The following ECE1 variants were observed in gnomAD, a reference collection of about 807,000 sequenced individuals.
ECE1 encodes the protein endothelin converting enzyme 1.
Under a neutral mutation model 98.6 loss-of-function variants are expected in ECE1, and 35 were observed. That is an observed-to-expected ratio of 0.35 (90% CI 0.27 to 0.47). The LOEUF is 0.47. Ranked by LOEUF, ECE1 falls within the 20% of genes least tolerant of loss-of-function variation. The pLI is 1.00. For missense variants in ECE1, 814 were observed against 1,025.3 expected (o/e 0.79, Z 2.81); for synonymous variants, 394 against 407.1 (o/e 0.97, Z 0.39).
chr1:21,319,374 A>T lies in ECE1; in HGVS notation c.3+26002T>A, dbSNP rs1184844220. Among the ~76,000 whole-genome samples the T allele has an allele frequency of 6.6e-6, 1 of 152,010 alleles. No individual in the cohort carries two copies. Among genetic ancestry groups the T allele is most frequent in the Non-Finnish European group, 1.5e-5 (1 of 67,998 alleles). On this transcript the variant is annotated intron_variant, in intron 1 of 18. Coordinates refer to the ECE1 transcript ENST00000415912. The surrounding 1 kb of genome is among the most constrained non-coding windows in gnomAD (Gnocchi z 4.4). ...TAATAATAATCATAATCATAATCATAATCATAATCATAAAGTGGACTACGC... is the reference window on the plus strand; with the variant it reads ...TAATAATAATCATAATCATAATCATTATCATAATCATAAAGTGGACTACGC...
intron 2 of ECE1, among the ~76,000 whole-genome samples, chr1:21,283,767 G>A (rs1431351514): frequency 2.6e-5 from 4 of 152,154 alleles, no homozygotes; most frequent in Non-Finnish European, 5.9e-5. Context: ...CTAAACAGAT[G>A]GTGTTCACTG....
At chr1:21,324,439 C>G (rs1040765655) in intron 1 of ECE1, among the ~76,000 whole-genome samples, 3 of 152,224 alleles carry the variant, frequency 2.0e-5, no homozygotes, top group Admixed American at 6.5e-5. Context: ...CAGGGAGACT[C>G]CAACGGCTGC....
At chr1:21,224,073 A>G (rs2098170768) in intron 17 of ECE1, among the ~76,000 whole-genome samples, 2 of 151,934 alleles carry the variant, frequency 1.3e-5, no homozygotes, top group Admixed American at 1.3e-4. Context: ...CCTTCTTCCC[A>G]TCCTTGGACG....
chr1:21,282,022 C>G (rs1205742695), intron 2 of ECE1, among the ~76,000 whole-genome samples: 2 of 152,132 alleles, frequency 1.3e-5, no homozygotes, highest in Non-Finnish European at 1.5e-5. Flanking sequence ...CATGGTGGCT[C>G]ATGCCTATAA....
At chr1:21,288,455 C>G (rs566058589) in intron 2 of ECE1, among the ~76,000 whole-genome samples, 1 of 152,232 alleles carries the variant, frequency 6.6e-6, no homozygotes, top group Admixed American at 6.5e-5. Context: ...AGAACTCAAA[C>G]CCGGGTCGCT....
At chr1:21,328,989 G>A (rs921491529) in intron 1 of ECE1, among the ~76,000 whole-genome samples, 2 of 152,030 alleles carry the variant, frequency 1.3e-5, no homozygotes, top group Non-Finnish European at 2.9e-5. Flanking sequence ...TGACTGCTGC[G>A]AATCTCTCTC....
At position 21,225,016 on chromosome 1, in the gene ECE1, C is replaced by CT. The variant is rs59967934; in HGVS notation, c.2040+233dup. On this transcript the variant is annotated intron_variant, in intron 17 of 18. Coordinates refer to ENST00000374893, the MANE Select transcript of ECE1 (RefSeq NM_001397.3). The surrounding 1 kb of genome is among the most constrained non-coding windows in gnomAD (Gnocchi z 5.3). ...ATGAAGCCCGAGCCCCTTCCTGTGT[C>CT]TTTGTCAGGCCAGACTCAGAGCACA... 1.1e-3 allele frequency among the ~76,000 whole-genome samples: 171 copies of CT among 152,362 alleles called. No individual in the cohort carries two copies. The highest frequency in any genetic ancestry group is 4.1e-3 in the African/African-American group (169 of 41,596).
intron 17 of ECE1, 96 bp from the exon 18 acceptor site, chr1:21,221,938 G>A (rs2098167982): frequency 1.8e-6 from 2 of 1,082,704 alleles, no homozygotes; most frequent in African/African-American, 1.5e-5. Context: ...CCGTGTTGGG[G>A]CAAGGACTAG....
rs546317048 is a variant in ECE1, at chr1:21,220,223, C to T, written c.2137-92G>A. The T allele has an allele frequency of 8.3e-5, 116 of 1,401,978 alleles. No homozygotes were observed. In the African/African-American group the frequency reaches 1.3e-3, roughly 16 times the overall value. The allele number at this position is 1,401,978 out of a possible 1,614,324, so 86.8% of individuals were successfully genotyped here. On this transcript the variant is annotated intron_variant, in intron 18 of 18. Coordinates refer to ENST00000374893, the MANE Select transcript of ECE1 (RefSeq NM_001397.3). The surrounding 1 kb of genome is among the most constrained non-coding windows in gnomAD (Gnocchi z 5.0). ...TTATAACAGCAGGGGAGGCCAGGTG[C>T]GGTGGCTCACACCTGTAATCCCAGC...
chr1:21,270,798 A>T (rs1222815011), intron 4 of ECE1, among the ~76,000 whole-genome samples: 7 of 152,298 alleles, frequency 4.6e-5, no homozygotes, highest in African/African-American at 1.4e-4. Context: ...AAAACAAGCC[A>T]GGGAGGTGAT....
At chr1:21,275,033 G>A (rs1328743934) in intron 3 of ECE1, among the ~76,000 whole-genome samples, 2 of 152,146 alleles carry the variant, frequency 1.3e-5, no homozygotes, top group Non-Finnish European at 2.9e-5. Context: ...TGAGTATTAC[G>A]ATATAACTCC....
Position 21,221,898 on chromosome 1 carries a change from G to C in ECE1, c.2041-56C>G. 2.7e-6 allele frequency: 4 copies of C among 1,498,632 alleles called. No homozygotes were observed. The Admixed American group carries it at 6.7e-5, about 25-fold the overall frequency. 92.8% of individuals were successfully genotyped at this position (1,498,632 alleles called of 1,614,324 possible). A position where few individuals can be genotyped will look rare whatever the true frequency, so the allele number is the denominator to read the frequency against. ...TTCCCATGGCAGGTGGTGAAGGAGG[G>C]GACTGGTATGGAGGTCTCAGGGAGC... is the stretch of plus-strand genomic sequence containing the variant. On this transcript the variant is annotated intron_variant, in intron 17 of 18. Coordinates refer to ENST00000374893, the MANE Select transcript of ECE1 (RefSeq NM_001397.3).
At chr1:21,304,268 A>T (rs1638548033) in intron 1 of ECE1, among the ~76,000 whole-genome samples, 1 of 142,480 alleles carries the variant, frequency 7.0e-6, no homozygotes, top group Non-Finnish European at 1.5e-5. Context: ...GTGAGCCGAG[A>T]TCGCGCCACG....
rs1638904832 is a variant in ECE1, at chr1:21,319,087, G to A, written c.3+26289C>T. Among the ~76,000 whole-genome samples, 2 of 152,188 alleles carry A rather than the reference G, an allele frequency of 1.3e-5. No homozygotes were observed. Among genetic ancestry groups the A allele is most frequent in the African/African-American group, 4.8e-5 (2 of 41,452 alleles). Reference sequence around the variant, plus strand: ...AGGCCAGGCACGGTGGCTCAAGCTCGTAATCCAAGCACTTTGGGAAGCCAA... The same window carrying A: ...AGGCCAGGCACGGTGGCTCAAGCTCATAATCCAAGCACTTTGGGAAGCCAA... On this transcript the variant is annotated intron_variant, in intron 1 of 18. Transcript: ENST00000415912. This position sits in a 1 kb window ranked among gnomAD's most constrained non-coding sequence, Gnocchi z 4.4.
intron 10 of ECE1, among the ~76,000 whole-genome samples, chr1:21,238,858 GCT>G (rs945359089): frequency 2.0e-5 from 3 of 151,998 alleles, no homozygotes; most frequent in Non-Finnish European, 4.4e-5. Context: ...TGTCACCTAG[GCT>G]GGAGTGCAGT....
chr1:21,318,988 G>T (rs1558431009), intron 1 of ECE1, among the ~76,000 whole-genome samples: 1 of 152,196 alleles, frequency 6.6e-6, no homozygotes, highest in Non-Finnish European at 1.5e-5. Flanking sequence ...AATTCTGTGG[G>T]TTTTCAGTGG....
chr1:21,289,985 G>A, intron 2 of ECE1, 85 bp downstream of exon 2: 1 of 1,260,550 alleles, frequency 7.9e-7, no homozygotes, highest in Non-Finnish European at 1.0e-6. Context: ...AGGCGGGGTA[G>A]GTAGGGGCGG....
intron 2 of ECE1, chr1:21,280,049 A>G (rs1484772411): frequency 6.6e-6 from 1 of 152,386 alleles, no homozygotes; most frequent in Non-Finnish European, 1.5e-5. Context: ...AAATCCCTCC[A>G]GCCTAACAGT....
chr1:21,341,918 G>A (rs1465017192), intron 1 of ECE1, among the ~76,000 whole-genome samples: 5 of 152,018 alleles, frequency 3.3e-5, no homozygotes, highest in South Asian at 2.1e-4. Flanking sequence ...GACTACAAGC[G>A]TGAGCCACTG....
Sources: gnomAD v4.1 joint callset for allele counts (sites outside exome capture counted in the v4.1 genomes callset) on GRCh38, gnomAD v4.1.1 for gene constraint, Gnocchi (gnomAD v3.1) non-coding constraint, MANE v1.5 for transcripts, NCBI Gene and HGNC (gene_info 2026-07-23, HGNC 2026-07-21) for gene names.